The following HYDIN variants were observed in gnomAD, a reference collection of about 807,000 sequenced individuals.
HYDIN encodes HYDIN axonemal central pair apparatus protein, also known as axonemal central pair apparatus protein HYDIN.
Under a neutral mutation model 403.9 loss-of-function variants are expected in HYDIN, and 132 were observed. The observed-to-expected ratio is 0.33, with a 90% CI of 0.28 to 0.38. The LOEUF (loss-of-function observed/expected upper bound fraction) is 0.38, where lower values mean the gene tolerates loss of function less well. Among genes scored for constraint, HYDIN ranks in the 10% least tolerant of loss-of-function variants. The pLI is 1.00. For synonymous variants in HYDIN, 1,202 were observed against 1,891.7 expected, an observed-to-expected ratio of 0.64 and a Z score of 9.46; for missense variants, 2,827 against 5,009.5, an observed-to-expected ratio of 0.56 and a Z score of 13.15.
At chr16:70,949,610 C>T (rs1241194049) in intron 41 of HYDIN, among the ~76,000 whole-genome samples, 1 of 152,178 alleles carries the variant, frequency 6.6e-6, no homozygotes, top group African/African-American at 2.4e-5. Context: ...CCATTTGCAA[C>T]ATGACTGAAA....
At chr16:70,888,223 A>G (rs1050873901) in intron 58 of HYDIN, among the ~76,000 whole-genome samples, 1 of 152,208 alleles carries the variant, frequency 6.6e-6, no homozygotes, top group African/African-American at 2.4e-5. Context: ...GCATTTATCT[A>G]TTTTCCTTCA....
intron 45 of HYDIN, among the ~76,000 whole-genome samples, chr16:70,922,959 A>T (rs952650732): frequency 6.6e-6 from 1 of 151,602 alleles, no homozygotes; most frequent in African/African-American, 2.4e-5. Flanking sequence ...GTAGAGACAC[A>T]GTTTTGCCAT....
intron 71 of HYDIN, among the ~76,000 whole-genome samples, chr16:70,859,239 T>C (rs1489365429): frequency 6.6e-6 from 1 of 151,896 alleles, no homozygotes; most frequent in Non-Finnish European, 1.5e-5. Context: ...AGGCGGAGCA[T>C]GTAGTGAGCC....
chr16:71,153,098 T>A (rs1285417540), intron 6 of HYDIN, among the ~76,000 whole-genome samples: 2 of 152,012 alleles, frequency 1.3e-5, no homozygotes. Context: ...CAAGTTAGGG[T>A]GACTGCAAAT....
At chr16:70,877,639 G>A (rs2143673330) in intron 62 of HYDIN, among the ~76,000 whole-genome samples, 1 of 152,202 alleles carries the variant, frequency 6.6e-6, no homozygotes, top group East Asian at 1.9e-4. Context: ...TTCAAAATAG[G>A]GTTTGCACTC....
rs1186839925 is a variant in HYDIN at position 70,941,616 on chromosome 16, G to C, written c.6853+20C>G. ...TGTCAAAGTTTCACTTAAGCCCAAT[G>C]GAAAGGTAGGAGGCCTTGCCTTCTT... On this transcript the variant is annotated intron_variant, in intron 43 of 85. Transcript: ENST00000393567. The C allele has an allele frequency of 6.8e-7, 1 of 1,470,816 alleles. No individual in the cohort carries two copies. Among genetic ancestry groups the C allele is most frequent in the Non-Finnish European group, 9.0e-7 (1 of 1,107,852 alleles). The allele number at this position is 1,470,816 out of a possible 1,614,324, so 91.1% of individuals were successfully genotyped here.
At chr16:71,188,755 A>G (rs2087278168) in intron 1 of HYDIN, among the ~76,000 whole-genome samples, 1 of 152,214 alleles carries the variant, frequency 6.6e-6, no homozygotes, top group Admixed American at 6.5e-5. Context: ...GACATAACAC[A>G]TTAAATAGGT....
intron 11 of HYDIN, among the ~76,000 whole-genome samples, chr16:71,093,277 T>C (rs1208614418): frequency 7.9e-5 from 12 of 152,226 alleles, no homozygotes; most frequent in Admixed American, 2.0e-4. Context: ...AACTCATGCA[T>C]ACATCCTGTA....
chr16:71,214,705 A>G (rs752979035), intron 1 of HYDIN, among the ~76,000 whole-genome samples: 23 of 152,216 alleles, frequency 1.5e-4, no homozygotes, highest in South Asian at 2.1e-4. Context: ...ACATTCTTCT[A>G]TTCTTTGGGC....
At chr16:70,890,294 T>G (rs991513628) in intron 57 of HYDIN, among the ~76,000 whole-genome samples, 3 of 152,262 alleles carry the variant, frequency 2.0e-5, no homozygotes, top group Non-Finnish European at 4.4e-5. Flanking sequence ...TTCACTTGCT[T>G]AATGACCAGA....
At chr16:71,139,284 G>A (rs10775321) in intron 7 of HYDIN, among the ~76,000 whole-genome samples, 3 of 152,056 alleles carry the variant, frequency 2.0e-5, no homozygotes, top group East Asian at 3.9e-4. Flanking sequence ...TTTGGGGGGG[G>A]AAAGGTACTT....
chr16:70,939,053 G>C (rs1005206246), intron 43 of HYDIN, among the ~76,000 whole-genome samples: 1 of 152,186 alleles, frequency 6.6e-6, no homozygotes, highest in African/African-American at 2.4e-5. Flanking sequence ...TAAGGATCTT[G>C]AGGTGGGCAG....
intron 6 of HYDIN, among the ~76,000 whole-genome samples, chr16:71,159,697 A>G (rs2144597340): frequency 6.9e-6 from 1 of 145,532 alleles, no homozygotes; most frequent in Admixed American, 6.9e-5. Flanking sequence ...AGGAACAAAG[A>G]TAAGAATCAC....
chr16:71,164,805 G>T (rs1361084788), intron 5 of HYDIN, among the ~76,000 whole-genome samples: 4 of 131,688 alleles, frequency 3.0e-5, no homozygotes, highest in African/African-American at 1.2e-4. Context: ...CAGCCCAAAG[G>T]GGGAACCTTT....
At chr16:70,819,728 CTTATTA>C (rs372673006) in intron 83 of HYDIN, among the ~76,000 whole-genome samples, 3 of 148,908 alleles carry the variant, frequency 2.0e-5, no homozygotes, top group African/African-American at 7.4e-5. Flanking sequence ...GTTGTTTTAT[CTTATTA>C]TTATTAGGTG....
intron 76 of HYDIN, among the ~76,000 whole-genome samples, chr16:70,838,178 A>ATTTC (rs562861473): frequency 0.013 from 1,973 of 151,396 alleles, 42 homozygotes; most frequent in African/African-American, 0.045. Flanking sequence ...CCGATTCTGT[A>ATTTC]TTTCTTTCTT....
At chr16:71,073,011 G>A (rs12103189) in intron 13 of HYDIN, among the ~76,000 whole-genome samples, 479 of 147,214 alleles carry the variant, frequency 3.3e-3, no homozygotes, top group East Asian at 0.014. Context: ...GGCTGAAGAC[G>A]TGTTGAAAAA....
chr16:71,021,280 G>A (rs1207336323), intron 21 of HYDIN, among the ~76,000 whole-genome samples: 2 of 150,286 alleles, frequency 1.3e-5, no homozygotes, highest in African/African-American at 2.5e-5. Flanking sequence ...GCAGTGGTGT[G>A]ATCTCAGCTC....
intron 5 of HYDIN, among the ~76,000 whole-genome samples, chr16:71,165,675 G>A (rs1343900870): frequency 1.3e-5 from 2 of 152,042 alleles, no homozygotes; most frequent in Admixed American, 1.3e-4. Flanking sequence ...GTAGTGATGA[G>A]TGACGGGAAA....
Sources: allele counts gnomAD v4.1 joint callset (sites outside exome capture counted in the v4.1 genomes callset), GRCh38; gene constraint gnomAD v4.1.1; transcripts MANE v1.5; gene names NCBI Gene and HGNC (gene_info 2026-07-23, HGNC 2026-07-21).